CYP2B6: variants seen among roughly 807,000 people sequenced by gnomAD.
CYP2B6 encodes the protein cytochrome P450 2B6.
A neutral mutation model predicts 43.4 loss-of-function variants in CYP2B6; 35 were observed. The ratio of observed to expected loss-of-function variants is 0.81; its 90% confidence interval spans 0.62 to 1.07. The LOEUF (loss-of-function observed/expected upper bound fraction) is 1.07, where lower values mean the gene tolerates loss of function less well. Ranked by LOEUF, CYP2B6 falls within the 50% of genes least tolerant of loss-of-function variation. The pLI, the probability that CYP2B6 is intolerant of heterozygous loss-of-function variation, is 0.00. For missense variants in CYP2B6, 624 were observed against 632.8 expected (o/e 0.99, Z 0.15); for synonymous variants, 239 against 239.2 (o/e 1.00, Z 0.01).
At chr19:40,994,768 A>T (rs1968976559) in intron 1 of CYP2B6, among the ~76,000 whole-genome samples, 1 of 152,158 alleles carries the variant, frequency 6.6e-6, no homozygotes, top group African/African-American at 2.4e-5. Context: ...TATATTTAGT[A>T]GTGATTATGT....
intron 3 of CYP2B6, among the ~76,000 whole-genome samples, chr19:41,006,347 A>G (rs1318663153): frequency 2.2e-3 from 97 of 43,996 alleles, no homozygotes; most frequent in African/African-American, 8.0e-3. Flanking sequence ...TTTTTTTTGT[A>G]GAGACAGGGT....
At chr19:40,993,062 G>T (rs951308206) in intron 1 of CYP2B6, among the ~76,000 whole-genome samples, 1 of 152,136 alleles carries the variant, frequency 6.6e-6, no homozygotes, top group Non-Finnish European at 1.5e-5. Context: ...AATAAAGATA[G>T]TTCAATAGTA....
chr19:41,017,102 G>C lies in CYP2B6; in HGVS notation c.*275G>C. ...CTGTTGCCCAGGCTGGAGTGCAGTG[G>C]CGTGATCTCGGCTCACTGCAACCTC... On this transcript the variant is annotated 3_prime_UTR_variant, in exon 9 of 9. Transcript: ENST00000324071. 1 of 244,226 alleles carries C rather than the reference G, an allele frequency of 4.1e-6. No homozygotes were observed. The highest frequency in any genetic ancestry group is 8.1e-6 in the Non-Finnish European group (1 of 123,180). 15.1% of individuals were successfully genotyped at this position (244,226 alleles called of 1,614,324 possible). A position where few individuals can be genotyped will look rare whatever the true frequency, so the allele number is the denominator to read the frequency against.
intron 1 of CYP2B6, among the ~76,000 whole-genome samples, chr19:40,997,464 A>G (rs957141724): frequency 6.7e-6 from 1 of 149,510 alleles, no homozygotes; most frequent in Non-Finnish European, 1.5e-5. Context: ...TAATAGAGTT[A>G]TTTTTTTAAT....
intron 1 of CYP2B6, among the ~76,000 whole-genome samples, chr19:40,995,898 C>A (rs1329575826): frequency 2.6e-5 from 4 of 152,164 alleles, no homozygotes; most frequent in Non-Finnish European, 4.4e-5. Context: ...TTCAGCCAGA[C>A]ATACATCCAG....
intron 1 of CYP2B6, among the ~76,000 whole-genome samples, chr19:40,998,306 C>G (rs1384721284): frequency 3.3e-5 from 5 of 152,092 alleles, no homozygotes; most frequent in Non-Finnish European, 7.4e-5. Flanking sequence ...TATCCCACTG[C>G]CCGCTTTCTT....
At chr19:41,014,453 A>G (rs1969330876) in intron 8 of CYP2B6, among the ~76,000 whole-genome samples, 1 of 152,028 alleles carries the variant, frequency 6.6e-6, no homozygotes, top group Non-Finnish European at 1.5e-5. Flanking sequence ...CTACGGGCGC[A>G]TGCCACCATG....
At position 41,008,871 on chromosome 19, in the gene CYP2B6, T is replaced by A. The variant is rs4061282; in HGVS notation, c.646-348T>A. Among the ~76,000 whole-genome samples, 45 of 150,986 alleles carry A rather than the reference T, an allele frequency of 3.0e-4. 1 individual carries two copies. Among genetic ancestry groups the A allele is most frequent in the South Asian group, 1.5e-3 (7 of 4,740 alleles). ...ACACAGCAAGGGAGATGAGGAGAGG[T>A]GGGAAGAGGGAGAGAAAAGTATGAG... On this transcript the variant is annotated intron_variant, in intron 4 of 8. Coordinates refer to ENST00000324071, the MANE Select transcript of CYP2B6 (RefSeq NM_000767.5).
intron 1 of CYP2B6, among the ~76,000 whole-genome samples, chr19:41,002,539 C>CT (rs1969109611): frequency 6.6e-6 from 1 of 151,936 alleles, no homozygotes; most frequent in Admixed American, 6.6e-5. Flanking sequence ...GTATGAACTT[C>CT]TTTTTTGTTT....
At chr19:41,012,887 G>A (rs1208642445) in intron 8 of CYP2B6, 72 bp downstream of exon 8, 3 of 1,513,820 alleles carry the variant, frequency 2.0e-6, no homozygotes, top group East Asian at 2.3e-5. Flanking sequence ...GAAAAACAAC[G>A]AGAGATACTG....
In CYP2B6 at chr19:41,016,793, C is replaced by T. The variant is rs766696039; in HGVS notation, c.1442C>T (p.Pro481Leu). 5 of 1,613,956 alleles carry T rather than the reference C, an allele frequency of 3.1e-6. No individual in the cohort carries two copies. Among genetic ancestry groups the T allele is most frequent in the Non-Finnish European group, 4.2e-6 (5 of 1,180,004 alleles). ...CAGGAGTGTGGTGTGGGCAAAATAC[C>T]CCCAACATACCAGATCCGCTTCCTG... is the stretch of plus-strand genomic sequence containing the variant. ...TPQECGVGKI[P>L]PTYQIRFLPR The change falls in exon 9 of 9, where the codon CCC becomes CTC. Residue 481 changes from proline to leucine, a missense_variant. By Grantham distance (98) the Pro-to-Leu change is moderately conservative. Transcript: ENST00000324071.
intron 6 of CYP2B6, among the ~76,000 whole-genome samples, chr19:41,010,550 A>C (rs1162760210): frequency 6.6e-6 from 1 of 151,826 alleles, no homozygotes; most frequent in Non-Finnish European, 1.5e-5. Context: ...AGTAGCTGGA[A>C]CTACAGGCGC....
At chr19:40,994,458 G>A (rs1599840795) in intron 1 of CYP2B6, among the ~76,000 whole-genome samples, 1 of 152,118 alleles carries the variant, frequency 6.6e-6, no homozygotes, top group Non-Finnish European at 1.5e-5. Context: ...AGCATGCTGC[G>A]AAGGTGCATA....
chr19:41,000,803 C>G (rs1230332310), intron 1 of CYP2B6, among the ~76,000 whole-genome samples: 1 of 152,014 alleles, frequency 6.6e-6, no homozygotes, highest in Non-Finnish European at 1.5e-5. Context: ...CTTTGGGAGG[C>G]TGAAGCAGGT....
At chr19:41,009,759 A>G (rs1355041537) in intron 5 of CYP2B6, 1 of 602,798 alleles carries the variant, frequency 1.7e-6, no homozygotes, top group Non-Finnish European at 2.9e-6. Flanking sequence ...AAAGAGAGAA[A>G]CACATCAAAG....
Position 41,016,882 on chromosome 19 carries a change from C to T in CYP2B6, c.*55C>T, listed in dbSNP as rs1969379003. ...CCAGGGTCATTCAGTGTCCCCGCCT[C>T]TGTAGACAATGGCTCTGACTCCCCG... On this transcript the variant is annotated 3_prime_UTR_variant, in exon 9 of 9. Transcript: ENST00000324071. 2.0e-5 allele frequency: 31 copies of T among 1,576,556 alleles called. No individual in the cohort carries two copies. The South Asian group carries it at 3.5e-4, about 18-fold the overall frequency.
intron 1 of CYP2B6, among the ~76,000 whole-genome samples, chr19:40,997,971 A>G (rs138903679): frequency 1.3e-5 from 2 of 152,038 alleles, no homozygotes; most frequent in African/African-American, 4.8e-5. Context: ...GCATGGTGGC[A>G]TGTGCCTGTA....
In CYP2B6 at chr19:40,994,659, C is replaced by T. The variant is rs572058272; in HGVS notation, c.171+3183C>T. Among the ~76,000 whole-genome samples, 12 of 152,166 alleles carry T rather than the reference C, an allele frequency of 7.9e-5. No homozygotes were observed. The South Asian group carries it at 1.9e-3, about 24-fold the overall frequency. On this transcript the variant is annotated intron_variant, in intron 1 of 8. Transcript: ENST00000324071. ...ATATTTAATCCAGTAACATTACACA[C>T]GCAATTGCCCACACCCCCATAGGTA...
Position 41,004,029 on chromosome 19 carries a change from C to T in CYP2B6, c.200C>T (p.Thr67Met), listed in dbSNP as rs138264188. 2,682 of 1,613,418 alleles carry T rather than the reference C, an allele frequency of 1.7e-3. 7 individuals are homozygous for T. The highest frequency in any genetic ancestry group is 2.0e-3 in the Non-Finnish European group (2,346 of 1,179,476). Reference sequence around the variant, plus strand: ...CGAGAGAAATATGGGGACGTCTTCACGGTACACCTGGGACCGAGGCCCGTG... The same window carrying T: ...CGAGAGAAATATGGGGACGTCTTCATGGTACACCTGGGACCGAGGCCCGTG... ...RFREKYGDVF[T>M]VHLGPRPVVM... is the part of the protein sequence containing the mutation. Residue 67 changes from threonine (T) to methionine (M), a missense_variant, in exon 2 of 9, where the codon ACG becomes ATG. Transcript: ENST00000324071.
Sources: gnomAD v4.1 joint callset for allele counts (sites outside exome capture counted in the v4.1 genomes callset) on GRCh38, gnomAD v4.1.1 for gene constraint, MANE v1.5 for transcripts, NCBI Gene and HGNC (gene_info 2026-07-23, HGNC 2026-07-21) for gene names.